The following PEX14 variants were observed in gnomAD, a reference collection of about 807,000 sequenced individuals.
The protein encoded by PEX14 is peroxisomal membrane protein PEX14.
Under a neutral mutation model 49.5 loss-of-function variants are expected in PEX14, and 15 were observed. That is an observed-to-expected ratio of 0.30 (90% CI 0.20 to 0.47). PEX14 has a LOEUF of 0.47. Among genes scored for constraint, PEX14 ranks in the 20% least tolerant of loss-of-function variants. The pLI, the probability that PEX14 is intolerant of heterozygous loss-of-function variation, is 1.00. For missense variants in PEX14, 398 were observed against 494.8 expected (o/e 0.80, Z 1.86); for synonymous variants, 210 against 212.7 (o/e 0.99, Z 0.11).
At chr1:10,609,726 C>T (rs1485076841) in intron 4 of PEX14, among the ~76,000 whole-genome samples, 3 of 151,890 alleles carry the variant, frequency 2.0e-5, no homozygotes, top group Non-Finnish European at 2.9e-5. Context: ...CTCTACTAAA[C>T]GTACAAAAAT....
In PEX14 at chr1:10,536,337, G is replaced by C. The variant is rs568057357; in HGVS notation, c.169+40G>C. On this transcript the variant is annotated intron_variant, in intron 3 of 8. Coordinates refer to ENST00000356607, the MANE Select transcript of PEX14 (RefSeq NM_004565.3). Reference sequence around the variant, plus strand: ...GGGCTGTGCAGCACGGCCTACAGGGGGACTGGGGCTGGGGCAGATGGAAGC... The same window carrying C: ...GGGCTGTGCAGCACGGCCTACAGGGCGACTGGGGCTGGGGCAGATGGAAGC... 2.5e-6 allele frequency: 3 copies of C among 1,213,748 alleles called. No individual in the cohort carries two copies. In the South Asian group the frequency reaches 3.6e-5, roughly 15 times the overall value. 75.2% of individuals were successfully genotyped at this position (1,213,748 alleles called of 1,614,324 possible).
At chr1:10,553,275 C>T (rs966338732) in intron 3 of PEX14, among the ~76,000 whole-genome samples, 1 of 152,094 alleles carries the variant, frequency 6.6e-6, no homozygotes, top group Non-Finnish European at 1.5e-5. Flanking sequence ...AGTCTGGGCT[C>T]ACTGTCCAAA....
At chr1:10,541,396 C>T (rs1639006654) in intron 3 of PEX14, among the ~76,000 whole-genome samples, 3 of 152,210 alleles carry the variant, frequency 2.0e-5, no homozygotes, top group South Asian at 4.1e-4. Flanking sequence ...CAGTGAGTCC[C>T]GGAGAGGCCC....
In PEX14 at chr1:10,539,794, C is replaced by T. The variant is rs1179414780; in HGVS notation, c.169+3497C>T. ...CAAAATGTAGGAGGCAGTCTGCTTC[C>T]AAAGATGTTTGGCAGGCTGAGGATG... On this transcript the variant is annotated intron_variant, in intron 3 of 8. Coordinates refer to ENST00000356607, the MANE Select transcript of PEX14 (RefSeq NM_004565.3). The surrounding 1 kb of genome is among the most constrained non-coding windows in gnomAD (Gnocchi z 4.6). Among the ~76,000 whole-genome samples, 1 of 140,964 alleles carries T rather than the reference C, an allele frequency of 7.1e-6. No homozygotes were observed. Among genetic ancestry groups the T allele is most frequent in the African/African-American group, 2.7e-5 (1 of 36,826 alleles). 92.5% of individuals were successfully genotyped at this position (140,964 alleles called of 152,430 possible).
chr1:10,558,736 CAAAAAA>C (rs34343338), intron 3 of PEX14, among the ~76,000 whole-genome samples: 1 of 113,432 alleles, frequency 8.8e-6, no homozygotes, highest in Admixed American at 9.1e-5. Context: ...GACCCTGTCT[CAAAAAA>C]AAAAAAAAAA....
intron 1 of PEX14, among the ~76,000 whole-genome samples, chr1:10,475,361 C>G (rs1006192286): frequency 6.6e-6 from 1 of 152,188 alleles, no homozygotes; most frequent in Non-Finnish European, 1.5e-5. Context: ...ATAGATCGAT[C>G]GTTCCCGGCT....
At chr1:10,536,633 A>C in intron 3 of PEX14, 1 of 321,448 alleles carries the variant, frequency 3.1e-6, no homozygotes, top group Non-Finnish European at 6.1e-6. Context: ...CCCTGGCTGC[A>C]GGATGACTAG....
At chr1:10,537,539 C>T (rs1379793782) in intron 3 of PEX14, among the ~76,000 whole-genome samples, 2 of 152,072 alleles carry the variant, frequency 1.3e-5, no homozygotes, top group African/African-American at 4.8e-5. Context: ...AGCCTAAAAG[C>T]TGAGCTGATT....
At chr1:10,586,503 T>C (rs1434985847) in intron 3 of PEX14, among the ~76,000 whole-genome samples, 1 of 152,160 alleles carries the variant, frequency 6.6e-6, no homozygotes, top group East Asian at 1.9e-4. Context: ...TCATAGATGG[T>C]CCAAAACTAG....
intron 3 of PEX14, among the ~76,000 whole-genome samples, chr1:10,583,344 C>G (rs985837280): frequency 1.5e-4 from 23 of 150,570 alleles, no homozygotes; most frequent in Middle Eastern, 3.4e-3. Flanking sequence ...TTCAGCCTCC[C>G]TAGTAGCTGA....
At chr1:10,607,584 G>T (rs1481589512) in intron 4 of PEX14, among the ~76,000 whole-genome samples, 1 of 152,062 alleles carries the variant, frequency 6.6e-6, no homozygotes, top group African/African-American at 2.4e-5. Flanking sequence ...CAGTTTTAGT[G>T]TGTATATGCT....
At chr1:10,564,972 C>T (rs1168898740) in intron 3 of PEX14, among the ~76,000 whole-genome samples, 12 of 144,066 alleles carry the variant, frequency 8.3e-5, no homozygotes, top group Non-Finnish European at 1.6e-4. Context: ...GGCACGATCT[C>T]AGCTCACTGC....
chr1:10,516,092 A>G (rs1305223634), intron 2 of PEX14, among the ~76,000 whole-genome samples: 1 of 152,234 alleles, frequency 6.6e-6, no homozygotes, highest in Non-Finnish European at 1.5e-5. Context: ...AATAGCAGAA[A>G]GTCACTGGAA....
intron 4 of PEX14, among the ~76,000 whole-genome samples, chr1:10,602,062 A>G (rs969620123): frequency 1.3e-5 from 2 of 152,212 alleles, no homozygotes; most frequent in African/African-American, 2.4e-5. Context: ...ACAAAGGGTT[A>G]AACTGTTAGT....
At chr1:10,501,548 G>A (rs557637576) in intron 2 of PEX14, among the ~76,000 whole-genome samples, 32 of 152,144 alleles carry the variant, frequency 2.1e-4, no homozygotes, top group East Asian at 2.0e-3. Flanking sequence ...TGATCCGCCC[G>A]CCTCGGCCTC....
chr1:10,618,196 C>G (rs1324919302), intron 4 of PEX14, 136 bp from the exon 5 acceptor site: 1 of 688,370 alleles, frequency 1.5e-6, no homozygotes, highest in African/African-American at 1.8e-5. Context: ...TCATGTGCTG[C>G]CTTCCTGCGT....
At chr1:10,515,774 G>C (rs1281773678) in intron 2 of PEX14, among the ~76,000 whole-genome samples, 2 of 152,156 alleles carry the variant, frequency 1.3e-5, no homozygotes, top group African/African-American at 4.8e-5. Context: ...AAAGGAAGTG[G>C]CTGCTCCTTG....
chr1:10,502,743 A>T lies in PEX14; in HGVS notation c.84+7422A>T, dbSNP rs374583256. On this transcript the variant is annotated intron_variant, in intron 2 of 8. Coordinates refer to ENST00000356607, the MANE Select transcript of PEX14 (RefSeq NM_004565.3). ...ATGGGAACTGAGGAACTGAGCACTC[A>T]GGTGCCTTTTATCAGAGCTACTCAG... Among the ~76,000 whole-genome samples, 6 of 151,702 alleles carry T rather than the reference A, an allele frequency of 4.0e-5. No individual in the cohort carries two copies. The East Asian group carries it at 1.2e-3, about 29-fold the overall frequency.
At chr1:10,483,276 C>T (rs1641313285) in intron 1 of PEX14, among the ~76,000 whole-genome samples, 2 of 152,184 alleles carry the variant, frequency 1.3e-5, no homozygotes, top group Admixed American at 1.3e-4. Flanking sequence ...CTGCCTTGGC[C>T]TCCCAAAGTG....
Sources: allele counts gnomAD v4.1 joint callset (sites outside exome capture counted in the v4.1 genomes callset), GRCh38; gene constraint gnomAD v4.1.1; non-coding constraint Gnocchi (gnomAD v3.1); transcripts MANE v1.5; gene names NCBI Gene and HGNC (gene_info 2026-07-23, HGNC 2026-07-21).